OFD1: variants seen among roughly 807,000 people sequenced by gnomAD.
OFD1 encodes the protein centriole and centriolar satellite protein OFD1.
Under a neutral mutation model 81.4 loss-of-function variants are expected in OFD1, and 12 were observed. The observed-to-expected ratio is 0.15, with a 90% CI of 0.09 to 0.24. The LOEUF (loss-of-function observed/expected upper bound fraction) is 0.24, where lower values mean the gene tolerates loss of function less well. Ranked by LOEUF, OFD1 falls within the 10% of genes least tolerant of loss-of-function variation. OFD1 has a pLI of 1.00. For synonymous variants in OFD1, 256 were observed against 263.7 expected (o/e 0.97, Z 0.28); for missense variants, 685 against 733.9 (o/e 0.93, Z 0.77).
chrX:13,720,429 T>G, the OFD1 span: 1 of 112,086 alleles, frequency 8.9e-6, no homozygotes, highest in Admixed American at 9.5e-5. Flanking sequence ...AGTAATTACC[T>G]TGCCTTAGAA....
the OFD1 span, among the ~76,000 whole-genome samples, chrX:13,719,264 T>C: frequency 2.7e-5 from 3 of 110,057 alleles, no homozygotes; most frequent in African/African-American, 1.0e-4. Context: ...AAAAAAATAC[T>C]CTATGGGTCT....
At chrX:13,729,267 C>T in the OFD1 span, among the ~76,000 whole-genome samples, 1 of 111,675 alleles carries the variant, frequency 9.0e-6, no homozygotes, top group East Asian at 2.8e-4. Context: ...TCATATGGAA[C>T]CAAAAAAGAG....
upstream of OFD1, chrX:13,733,897 C>T (rs2046741669): frequency 4.8e-6 from 2 of 418,198 alleles, no homozygotes; most frequent in African/African-American, 4.9e-5. Context: ...CCATCTTCAA[C>T]CACCTCCCCT....
chrX:13,739,763 T>G (rs963638970), intron 5 of OFD1: 10 of 694,589 alleles, frequency 1.4e-5, no homozygotes, highest in African/African-American at 2.4e-5. Flanking sequence ...AAAAAAAAAA[T>G]GTTTATATAG....
the OFD1 span, among the ~76,000 whole-genome samples, chrX:13,717,034 T>TAAA: frequency 8.7e-4 from 33 of 37,938 alleles, 2 homozygotes; most frequent in Non-Finnish European, 1.3e-3. Flanking sequence ...GATACTATGT[T>TAAA]AAAAAAAAAA....
the OFD1 span, chrX:13,716,388 A>G: frequency 1.3e-6 from 1 of 757,943 alleles, no homozygotes; most frequent in Non-Finnish European, 1.9e-6. Flanking sequence ...CCCCTAAAAA[A>G]AGAAAAGTAG....
At chrX:13,739,295 G>T in intron 5 of OFD1, 3 of 172,826 alleles carry the variant, frequency 1.7e-5, no homozygotes, top group Non-Finnish European at 2.0e-5. Context: ...GAATATTTCT[G>T]CAAAAAAAAA....
chrX:13,717,044 A>C, the OFD1 span, among the ~76,000 whole-genome samples: 1 of 102,450 alleles, frequency 9.8e-6, no homozygotes, highest in Non-Finnish European at 2.0e-5. Context: ...TAAAAAAAAA[A>C]AAAAAAAAAA....
Position 13,757,741 on chromosome X carries a change from A to T in OFD1, c.1493A>T (p.Glu498Val). ...KAEKAIVVEH[E>V]EFESCRQALH... ...GAAAAGGCTATAGTGGTTGAGCATG[A>T]GGAGTTCGAAAGCTGCAGGCAAGCT... is the stretch of plus-strand genomic sequence containing the variant. The change falls in exon 14 of 23, where the codon GAG becomes GTG. Residue 498 changes from glutamate to valine, a missense_variant. Transcript: ENST00000340096. 1.7e-6 allele frequency: 2 copies of T among 1,211,032 alleles called. No individual in the cohort carries two copies. Among genetic ancestry groups the T allele is most frequent in the Non-Finnish European group, 2.2e-6 (2 of 895,120 alleles).
chrX:13,767,511 G>A (rs2048176998), intron 20 of OFD1, among the ~76,000 whole-genome samples: 5 of 112,172 alleles, frequency 4.5e-5, no homozygotes, highest in Middle Eastern at 9.2e-3. Flanking sequence ...GGTAATTTTT[G>A]TACATTCTCA....
At chrX:13,740,819 T>TA (rs1337411998) in intron 5 of OFD1, among the ~76,000 whole-genome samples, 2 of 107,870 alleles carry the variant, frequency 1.9e-5, no homozygotes, top group African/African-American at 6.8e-5. Flanking sequence ...TCTATGTAGT[T>TA]ACTATAGATA....
intron 5 of OFD1, among the ~76,000 whole-genome samples, chrX:13,742,781 C>T (rs2047157603): frequency 8.9e-6 from 1 of 111,755 alleles, no homozygotes. Flanking sequence ...GCCTCAGCCT[C>T]CCAGAGTGCT....
chrX:13,751,361 C>T lies in OFD1; in HGVS notation c.1048C>T (p.Leu350Phe), dbSNP rs1219460648. 8.4e-7 allele frequency: 1 copy of T among 1,193,277 alleles called. No homozygotes were observed. Among genetic ancestry groups the T allele is most frequent in the African/African-American group, 1.8e-5 (1 of 56,591 alleles). The change falls in exon 10 of 23, where the codon CTT becomes TTT. Residue 350 changes from leucine (L) to phenylalanine (F), a missense_variant. Leu to Phe is a conservative substitution (Grantham distance 22). Around this residue, in one of 3 missense-constraint regions of OFD1, gnomAD observed 414 missense variants for 447.2 expected, o/e 0.93. Coordinates refer to ENST00000340096, the MANE Select transcript of OFD1 (RefSeq NM_003611.3). ...CTATGACCGAAAGCTCAAGAATGAA[C>T]TTCTAAAGTAATTGTTTAGCATTTT... ...ETYDRKLKNE[L>F]LKYQLELKDD...
At chrX:13,716,210 T>A in the OFD1 span, 5 of 785,660 alleles carry the variant, frequency 6.4e-6, no homozygotes, top group Non-Finnish European at 8.9e-6. Context: ...GTTGAATATA[T>A]AAACTGGGTT....
chrX:13,742,957 A>G (rs904550978), intron 5 of OFD1, among the ~76,000 whole-genome samples: 8 of 111,898 alleles, frequency 7.1e-5, no homozygotes, highest in Non-Finnish European at 1.3e-4. Context: ...GACAAAATCT[A>G]ATCCCCTTCC....
At chrX:13,723,829 C>T in the OFD1 span, among the ~76,000 whole-genome samples, 1 of 110,942 alleles carries the variant, frequency 9.0e-6, no homozygotes, top group Non-Finnish European at 1.9e-5. Flanking sequence ...CATCCACATC[C>T]TAATCTCTGC....
intron 15 of OFD1, among the ~76,000 whole-genome samples, chrX:13,758,772 C>T (rs950085160): frequency 9.0e-6 from 1 of 111,422 alleles, no homozygotes; most frequent in African/African-American, 3.3e-5. Flanking sequence ...AACACCAATT[C>T]AGTAGTTTTA....
chrX:13,736,281 C>T (rs1470092520), intron 2 of OFD1, 197 bp from the exon 3 acceptor site: 28 of 1,054,761 alleles, frequency 2.7e-5, no homozygotes, highest in Non-Finnish European at 3.4e-5. Flanking sequence ...ACCCACTGGA[C>T]TGCTTGTCTC....
intron 21 of OFD1, 98 bp downstream of exon 21, chrX:13,768,322 A>G (rs2048210496): frequency 1.5e-6 from 1 of 672,578 alleles, no homozygotes; most frequent in South Asian, 2.3e-5. Flanking sequence ...TCCATTGAAG[A>G]CAAAAAGGTG....
Sources: gnomAD v4.1 joint callset for allele counts (sites outside exome capture counted in the v4.1 genomes callset) on GRCh38, gnomAD v4.1.1 for gene constraint, gnomAD v4.1.1 regional missense constraint, MANE v1.5 for transcripts, NCBI Gene and HGNC (gene_info 2026-07-23, HGNC 2026-07-21) for gene names.